Variants in PCDHA13 observed in about 807,000 individuals in gnomAD.
PCDHA13 encodes protocadherin alpha-13.
PCDHA13 carries 54 observed loss-of-function variants against 64.8 expected under a neutral mutation model. The ratio of observed to expected loss-of-function variants is 0.83; its 90% CI spans 0.67 to 1.04. The LOEUF is 1.04. PCDHA13 is among the 50% of genes least tolerant of loss of function. The probability of loss-of-function intolerance (pLI) is 0.00; values close to 1 mark genes in which losing one functional copy is unlikely to be tolerated. For synonymous variants in PCDHA13, 587 were observed against 564.4 expected, an observed-to-expected ratio of 1.04 and a Z score of -0.57; for missense variants, 1,248 against 1,254.3, an observed-to-expected ratio of 0.99 and a Z score of 0.08.
In PCDHA13 at chr5:140,883,244, G is replaced by C; in HGVS notation, c.976G>C (p.Gly326Arg). 3 of 1,614,014 alleles carry C rather than the reference G, an allele frequency of 1.9e-6. No homozygotes were observed. The highest frequency in any genetic ancestry group is 2.5e-6 in the Non-Finnish European group (3 of 1,180,018). Residue 326 changes from glycine to arginine, a missense_variant, in exon 1 of 4, where the codon GGA (glycine) becomes CGA (arginine). Transcript: ENST00000289272. ...YEISVEAVDK[G>R]NIPMAGHCTL... ...AATATCCGTGGAGGCAGTTGACAAAGGAAATATTCCAATGGCGGGTCATTG... is the reference window on the plus strand; with the variant it reads ...AATATCCGTGGAGGCAGTTGACAAACGAAATATTCCAATGGCGGGTCATTG...
intron 1 of PCDHA13, among the ~76,000 whole-genome samples, chr5:140,931,914 A>C (rs1374173998): frequency 1.3e-5 from 2 of 151,960 alleles, no homozygotes; most frequent in Admixed American, 1.3e-4. Context: ...AAAGCATGAC[A>C]TTTAACAATG....
Position 140,886,416 on chromosome 5 carries a change from A to T in PCDHA13, c.2394+1754A>T, listed in dbSNP as rs184712902. Among the ~76,000 whole-genome samples, 13 of 152,286 alleles carry T rather than the reference A, an allele frequency of 8.5e-5. No homozygotes were observed. The East Asian group carries it at 2.5e-3, about 29-fold the overall frequency. ...TGCATCACAAATATGTTTTCCTCCT[A>T]TATTATTTCTATTCATTTGTTTGTA... is the stretch of plus-strand genomic sequence containing the variant. On this transcript the variant is annotated intron_variant, in intron 1 of 3. Transcript: ENST00000289272.
intron 1 of PCDHA13, among the ~76,000 whole-genome samples, chr5:140,946,631 T>TATATATTATATATATATATATATATACAC (rs57893927): frequency 7.6e-6 from 1 of 131,846 alleles, no homozygotes; most frequent in African/African-American, 3.5e-5. Flanking sequence ...TATATATATA[T>TATATATTATATATATATATATATATACAC]ACAATGGAAT....
intron 3 of PCDHA13, among the ~76,000 whole-genome samples, chr5:141,000,411 A>T (rs2097918603): frequency 1.1e-5 from 1 of 94,870 alleles, no homozygotes; most frequent in African/African-American, 4.4e-5. Flanking sequence ...ATATATATAT[A>T]TATATATATA....
Position 140,924,836 on chromosome 5 carries a change from A to G in PCDHA13, c.2394+40174A>G, listed in dbSNP as rs182903893. ...CTTGAACCTGGGAGGGGGAGGTTGC[A>G]GGGAGCTCAGATCGTGCCACTGCAC... On this transcript the variant is annotated intron_variant, in intron 1 of 3. Coordinates refer to ENST00000289272, the MANE Select transcript of PCDHA13 (RefSeq NM_018904.3). Among the ~76,000 whole-genome samples, 1,210 of 151,808 alleles carry G rather than the reference A, an allele frequency of 8.0e-3. 6 individuals carry two copies. Among genetic ancestry groups the G allele is most frequent in the African/African-American group, 0.019 (780 of 41,292 alleles).
rs781892034 is a variant in PCDHA13, at chr5:140,968,314, G to A, written c.2395-10635G>A. ...TTCTGGAGAGGGAGATTCAAGGGCT[G>A]CCAGTCACCTCCTATGTCTCCATTA... On this transcript the variant is annotated intron_variant, in intron 1 of 3. Transcript: ENST00000289272. The A allele has an allele frequency of 2.5e-6, 4 of 1,613,960 alleles. No individual in the cohort carries two copies. The South Asian group carries it at 4.4e-5, about 18-fold the overall frequency.
rs782362205 is a variant in PCDHA13 at position 141,009,960 on chromosome 5, A to G, written c.*23A>G. The G allele has an allele frequency of 6.3e-7, 1 of 1,589,232 alleles. No homozygotes were observed. The highest frequency in any genetic ancestry group is 2.2e-5 in the East Asian group (1 of 44,694). On this transcript the variant is annotated 3_prime_UTR_variant, in exon 4 of 4. Transcript: ENST00000289272. The stretch of plus-strand genomic sequence containing the variant: ...TGAGGTCCTCAAATGGAAACAAGCC[A>G]CTTAGCCAGTTTTTGTAATAATGGC...
At chr5:141,009,389 G>A (rs1234679148) in intron 3 of PCDHA13, among the ~76,000 whole-genome samples, 1 of 152,178 alleles carries the variant, frequency 6.6e-6, no homozygotes, top group Non-Finnish European at 1.5e-5. Context: ...AGCACAGGAG[G>A]TCGAGGCTGC....
At chr5:140,955,124 CTG>C (rs1404094455) in intron 1 of PCDHA13, among the ~76,000 whole-genome samples, 1 of 152,016 alleles carries the variant, frequency 6.6e-6, no homozygotes. Context: ...TTCTGTTCCA[CTG>C]GTCTACACGT....
intron 1 of PCDHA13, 163 bp downstream of exon 1, chr5:140,884,825 T>C (rs543714024): frequency 1.0e-6 from 1 of 967,424 alleles, no homozygotes; most frequent in Non-Finnish European, 1.5e-6. Flanking sequence ...CATTATGTGT[T>C]GGATTATCCT....
At chr5:140,907,872 G>A (rs1473403839) in intron 1 of PCDHA13, among the ~76,000 whole-genome samples, 1 of 152,208 alleles carries the variant, frequency 6.6e-6, no homozygotes, top group Non-Finnish European at 1.5e-5. Flanking sequence ...CCGTTGGTGA[G>A]CACTCACATG....
At chr5:140,995,410 T>C (rs555899259) in intron 3 of PCDHA13, among the ~76,000 whole-genome samples, 1 of 152,310 alleles carries the variant, frequency 6.6e-6, no homozygotes, top group Non-Finnish European at 1.5e-5. Flanking sequence ...CGAGATTTCA[T>C]CACATTACTC....
At chr5:140,900,100 A>G (rs1453942019) in intron 1 of PCDHA13, among the ~76,000 whole-genome samples, 1 of 152,162 alleles carries the variant, frequency 6.6e-6, no homozygotes, top group African/African-American at 2.4e-5. Flanking sequence ...ATGCGCCACC[A>G]TACCTGGCCT....
intron 3 of PCDHA13, among the ~76,000 whole-genome samples, chr5:141,007,029 T>C (rs2098299696): frequency 6.6e-6 from 1 of 152,154 alleles, no homozygotes; most frequent in Non-Finnish European, 1.5e-5. Context: ...ATATGGTATT[T>C]ATATCTATGG....
chr5:140,968,444 A>G (rs781941315), intron 1 of PCDHA13: 1 of 1,614,048 alleles, frequency 6.2e-7, no homozygotes, highest in South Asian at 1.1e-5. Context: ...CCCACCACTG[A>G]GCAGCACTGT....
chr5:140,892,185 C>T (rs569665979), intron 1 of PCDHA13, among the ~76,000 whole-genome samples: 1 of 152,254 alleles, frequency 6.6e-6, no homozygotes, highest in East Asian at 1.9e-4. Flanking sequence ...CCTCATGGGT[C>T]TATTCCTGTG....
At chr5:140,950,751 T>G (rs1051693960) in intron 1 of PCDHA13, among the ~76,000 whole-genome samples, 3 of 152,154 alleles carry the variant, frequency 2.0e-5, no homozygotes, top group African/African-American at 7.2e-5. Flanking sequence ...CTCTCTATCC[T>G]TTCTGGACTC....
chr5:140,969,331 G>A, intron 1 of PCDHA13: 1 of 1,614,042 alleles, frequency 6.2e-7, no homozygotes, highest in Non-Finnish European at 8.5e-7. Context: ...CTCAAAATGA[G>A]GTGAGACAGT....
intron 3 of PCDHA13, among the ~76,000 whole-genome samples, chr5:140,991,620 T>C (rs2097462467): frequency 6.6e-6 from 1 of 152,212 alleles, no homozygotes; most frequent in Non-Finnish European, 1.5e-5. Flanking sequence ...TTTAATGCCA[T>C]ATTTGTAATA....
Sources: gnomAD v4.1 joint callset for allele counts (sites outside exome capture counted in the v4.1 genomes callset) on GRCh38, gnomAD v4.1.1 for gene constraint, MANE v1.5 for transcripts, NCBI Gene and HGNC (gene_info 2026-07-23, HGNC 2026-07-21) for gene names.